The following PRELID2 variants were observed in gnomAD, a reference collection of about 807,000 sequenced individuals.
The protein encoded by PRELID2 is PRELI domain-containing protein 2.
A neutral mutation model predicts 28.4 loss-of-function variants in PRELID2; 25 were observed. The ratio of observed to expected loss-of-function variants is 0.88; its 90% CI spans 0.64 to 1.23. The LOEUF is 1.23. Among genes scored for constraint, PRELID2 ranks in the 50% most tolerant of loss-of-function variants. The pLI is 0.00. For missense variants in PRELID2, 201 were observed against 214.4 expected (o/e 0.94, Z 0.39); for synonymous variants, 76 against 71.6 (o/e 1.06, Z -0.31).
intron 1 of PRELID2, among the ~76,000 whole-genome samples, chr5:145,709,196 GC>G (rs1352626235): frequency 6.6e-6 from 1 of 152,138 alleles, no homozygotes; most frequent in African/African-American, 2.4e-5. Flanking sequence ...TCTCAGTAGT[GC>G]TCAGCTTCCC....
chr5:145,406,930 C>T, the PRELID2 span, among the ~76,000 whole-genome samples: 9 of 152,252 alleles, frequency 5.9e-5, no homozygotes, highest in South Asian at 8.3e-4. Context: ...CTCCCAGTCC[C>T]CAGCTCAAAC....
chr5:145,740,665 A>T (rs1328203902), intron 1 of PRELID2, among the ~76,000 whole-genome samples: 1 of 90,224 alleles, frequency 1.1e-5, no homozygotes, highest in East Asian at 3.2e-4. Context: ...TATAAATAAA[A>T]TAAATATATA....
the PRELID2 span, among the ~76,000 whole-genome samples, chr5:145,330,899 C>T: frequency 2.7e-3 from 412 of 152,010 alleles, no homozygotes; most frequent in African/African-American, 9.3e-3. Context: ...CGGCTTTCTC[C>T]TGTGGGCATT....
chr5:145,614,127 G>A (rs1753661557), intron 1 of PRELID2, among the ~76,000 whole-genome samples: 1 of 152,152 alleles, frequency 6.6e-6, no homozygotes, highest in Non-Finnish European at 1.5e-5. Flanking sequence ...TCAGTTGGCT[G>A]TAAGTATTTG....
intron 1 of PRELID2, among the ~76,000 whole-genome samples, chr5:145,743,128 G>C (rs1233557598): frequency 6.6e-6 from 1 of 152,052 alleles, no homozygotes; most frequent in Non-Finnish European, 1.5e-5. Flanking sequence ...AAAGAATCTG[G>C]CCGGGCGCGG....
intron 3 of PRELID2, among the ~76,000 whole-genome samples, chr5:145,819,066 T>C (rs79100409): frequency 0.031 from 4,747 of 152,292 alleles, 262 homozygotes; most frequent in African/African-American, 0.11. Flanking sequence ...CCTGCTGCCA[T>C]GTAACATGTA....
At chr5:145,815,776 T>C (rs1223037290) in intron 4 of PRELID2, among the ~76,000 whole-genome samples, 2 of 152,244 alleles carry the variant, frequency 1.3e-5, no homozygotes, top group Admixed American at 1.3e-4. Flanking sequence ...TTCCATTTTG[T>C]GGATACATTA....
chr5:145,714,507 C>T (rs1332882649), intron 1 of PRELID2, among the ~76,000 whole-genome samples: 1 of 152,066 alleles, frequency 6.6e-6, no homozygotes, highest in Non-Finnish European at 1.5e-5. Flanking sequence ...AAACAAAACA[C>T]CAGGAAGCTA....
At chr5:145,818,386 C>T (rs1754522491) in intron 3 of PRELID2, among the ~76,000 whole-genome samples, 1 of 152,130 alleles carries the variant, frequency 6.6e-6, no homozygotes, top group South Asian at 2.1e-4. Context: ...GGATTCTAAT[C>T]GAGCCCACTT....
At chr5:145,640,760 A>G (rs1250465804) in intron 1 of PRELID2, among the ~76,000 whole-genome samples, 4 of 152,214 alleles carry the variant, frequency 2.6e-5, no homozygotes, top group Non-Finnish European at 4.4e-5. Context: ...CAACCCCCCA[A>G]TAACAAAACA....
chr5:145,502,302 C>A (rs1214219351), intron 1 of PRELID2, among the ~76,000 whole-genome samples: 7 of 152,088 alleles, frequency 4.6e-5, no homozygotes, highest in African/African-American at 1.4e-4. Flanking sequence ...CACTCCCTAT[C>A]ATGAGAACAG....
At chr5:145,686,871 T>G (rs1389422678) in intron 1 of PRELID2, among the ~76,000 whole-genome samples, 9 of 152,220 alleles carry the variant, frequency 5.9e-5, no homozygotes, top group Admixed American at 5.9e-4. Context: ...TTTTAATGCA[T>G]TTTGTTCAAT....
At chr5:145,550,446 C>T (rs1208288197) in intron 1 of PRELID2, among the ~76,000 whole-genome samples, 3 of 152,068 alleles carry the variant, frequency 2.0e-5, no homozygotes, top group South Asian at 2.1e-4. Flanking sequence ...TGTGGTGGCA[C>T]GTGCCTAGAA....
chr5:145,450,042 T>TC, the PRELID2 span, among the ~76,000 whole-genome samples: 3 of 152,142 alleles, frequency 2.0e-5, no homozygotes, highest in Non-Finnish European at 4.4e-5. Flanking sequence ...AACAGAATGT[T>TC]CCCTGTCAGA....
intron 1 of PRELID2, among the ~76,000 whole-genome samples, chr5:145,491,307 G>C (rs1237631024): frequency 1.3e-5 from 2 of 152,076 alleles, no homozygotes; most frequent in African/African-American, 4.8e-5. Flanking sequence ...ATGGTGGAAG[G>C]GCCAAGGAGC....
chr5:145,350,453 A>T, the PRELID2 span, among the ~76,000 whole-genome samples: 1 of 152,142 alleles, frequency 6.6e-6, no homozygotes, highest in Non-Finnish European at 1.5e-5. Context: ...GGGCAATGTG[A>T]TAGTGAACAG....
Position 145,796,479 on chromosome 5 carries a change from G to T in PRELID2, c.437C>A (p.Thr146Asn), listed in dbSNP as rs755014868. 6.8e-6 allele frequency: 11 copies of T among 1,610,404 alleles called. No homozygotes were observed. The highest frequency in any genetic ancestry group is 1.7e-5 in the Admixed American group (1 of 59,602). The change falls in exon 5 of 7, where the codon ACT (threonine) becomes AAT (asparagine). Residue 146 changes from threonine to asparagine, a missense_variant. By Grantham distance (65) the Thr-to-Asn change is moderately conservative (BLOSUM62 0). Coordinates refer to ENST00000683046, the MANE Select transcript of PRELID2 (RefSeq NM_205846.3). The part of the protein sequence containing the change: ...GVGFLNCVLE[T>N]FASTFLRQGA... ...CTGTCGTAAGAATGTGCTGGCAAAA[G>T]TTTCTAAAACACAGTTGAGAAATCC...
chr5:145,642,411 A>G (rs1416875427), intron 1 of PRELID2, among the ~76,000 whole-genome samples: 1 of 152,176 alleles, frequency 6.6e-6, no homozygotes, highest in East Asian at 1.9e-4. Context: ...GATTCTGGAT[A>G]TTAGCCCTTT....
At chr5:145,303,070 T>G in the PRELID2 span, among the ~76,000 whole-genome samples, 1 of 152,212 alleles carries the variant, frequency 6.6e-6, no homozygotes. Flanking sequence ...TACCACTGAC[T>G]AGCTGTGTGA....
Sources: allele counts gnomAD v4.1 joint callset (sites outside exome capture counted in the v4.1 genomes callset), GRCh38; gene constraint gnomAD v4.1.1; transcripts MANE v1.5; gene names NCBI Gene and HGNC (gene_info 2026-07-23, HGNC 2026-07-21).